RAP1GAP2: variants seen among roughly 807,000 people sequenced by gnomAD.
RAP1GAP2 encodes the protein RAP1 GTPase activating protein 2, also known as rap1 GTPase-activating protein 2.
A neutral mutation model predicts 95.0 loss-of-function variants in RAP1GAP2; 27 were observed. The observed-to-expected ratio is 0.28, with a 90% CI of 0.21 to 0.39. The LOEUF (loss-of-function observed/expected upper bound fraction) is 0.39. Among genes scored for constraint, RAP1GAP2 ranks in the 10% least tolerant of loss-of-function variants. The probability of loss-of-function intolerance (pLI) is 1.00; values close to 1 mark genes in which losing one functional copy is unlikely to be tolerated. For missense variants in RAP1GAP2, 771 were observed against 970.0 expected (o/e 0.79, Z 2.72); for synonymous variants, 373 against 380.9 (o/e 0.98, Z 0.24).
At chr17:3,022,855 G>T (rs902561634) in intron 19 of RAP1GAP2, among the ~76,000 whole-genome samples, 7 of 152,214 alleles carry the variant, frequency 4.6e-5, no homozygotes, top group African/African-American at 1.4e-4. Flanking sequence ...TCTTTTAGGA[G>T]TTTCTTTGTT....
intron 3 of RAP1GAP2, among the ~76,000 whole-genome samples, chr17:2,916,286 C>T (rs948563086): frequency 6.6e-6 from 1 of 151,950 alleles, no homozygotes; most frequent in African/African-American, 2.4e-5. Context: ...GTCAGTCCAC[C>T]GTTTGGCTCC....
chr17:2,976,989 TAGTC>T (rs1447840296), intron 8 of RAP1GAP2, among the ~76,000 whole-genome samples: 4 of 151,104 alleles, frequency 2.6e-5, no homozygotes, highest in Non-Finnish European at 5.9e-5. Flanking sequence ...ACAAAAAAAT[TAGTC>T]AGGCGAGTTG....
At chr17:2,851,406 T>G (rs2071840093) in intron 2 of RAP1GAP2, among the ~76,000 whole-genome samples, 1 of 152,180 alleles carries the variant, frequency 6.6e-6, no homozygotes, top group Non-Finnish European at 1.5e-5. Flanking sequence ...TGATGGGTTT[T>G]CTTGTGCTTT....
chr17:2,845,969 G>A (rs2071570944), intron 2 of RAP1GAP2, among the ~76,000 whole-genome samples: 2 of 152,132 alleles, frequency 1.3e-5, no homozygotes, highest in South Asian at 4.2e-4. Flanking sequence ...GAATTCCGAG[G>A]TGAGGAATTC....
intron 3 of RAP1GAP2, among the ~76,000 whole-genome samples, chr17:2,945,775 CT>C (rs57022816): frequency 0.063 from 9,521 of 150,418 alleles, 688 homozygotes; most frequent in African/African-American, 0.18. Context: ...CATTGATTTT[CT>C]TTTTTTTTCT....
At chr17:2,836,260 A>G (rs1426672177) in intron 2 of RAP1GAP2, among the ~76,000 whole-genome samples, 1 of 152,036 alleles carries the variant, frequency 6.6e-6, no homozygotes, top group Non-Finnish European at 1.5e-5. Context: ...ACCTTACTCA[A>G]ACTGGCTTAA....
intron 23 of RAP1GAP2, among the ~76,000 whole-genome samples, chr17:3,032,048 T>TC (rs1463167870): frequency 7.0e-6 from 1 of 143,392 alleles, no homozygotes; most frequent in Non-Finnish European, 1.5e-5. Flanking sequence ...AAGGGCTGGT[T>TC]CTTGGGTCCC....
chr17:2,970,927 C>A (rs890531010), intron 8 of RAP1GAP2, among the ~76,000 whole-genome samples: 1 of 151,966 alleles, frequency 6.6e-6, no homozygotes, highest in Non-Finnish European at 1.5e-5. Context: ...CCCAGCTACT[C>A]AGGAGGCTGA....
At chr17:2,995,269 C>A in intron 12 of RAP1GAP2, 68 bp from the exon 13 acceptor site, 2 of 1,530,912 alleles carry the variant, frequency 1.3e-6, no homozygotes. Flanking sequence ...CTTAGGGGAG[C>A]TTGCATTAAG....
chr17:2,976,693 A>T (rs2045134941), intron 8 of RAP1GAP2, among the ~76,000 whole-genome samples: 1 of 152,146 alleles, frequency 6.6e-6, no homozygotes, highest in Non-Finnish European at 1.5e-5. Context: ...AAAAAAGACA[A>T]GAACCGACTA....
At chr17:2,770,855 A>G (rs1347480163) in intron 2 of RAP1GAP2, among the ~76,000 whole-genome samples, 1 of 152,142 alleles carries the variant, frequency 6.6e-6, no homozygotes, top group Non-Finnish European at 1.5e-5. Flanking sequence ...AGCCTGGCCA[A>G]CATGGTGAAA....
intron 2 of RAP1GAP2, among the ~76,000 whole-genome samples, chr17:2,889,863 G>GTATATATATA (rs748546441): frequency 1.9e-3 from 151 of 79,784 alleles, no homozygotes; most frequent in Middle Eastern, 6.8e-3. Context: ...TTATGTGTGT[G>GTATATATATA]TATATATATA....
intron 3 of RAP1GAP2, among the ~76,000 whole-genome samples, chr17:2,911,879 G>A (rs2042394575): frequency 6.6e-6 from 1 of 152,308 alleles, no homozygotes; most frequent in Non-Finnish European, 1.5e-5. Flanking sequence ...CACTCTGCTG[G>A]GACTTGACCT....
chr17:2,838,173 T>G (rs1181502723), intron 2 of RAP1GAP2, among the ~76,000 whole-genome samples: 1 of 151,836 alleles, frequency 6.6e-6, no homozygotes, highest in Non-Finnish European at 1.5e-5. Flanking sequence ...CGCCCACCAC[T>G]GCATCCAGCT....
At chr17:2,832,402 C>A (rs955344285) in intron 2 of RAP1GAP2, among the ~76,000 whole-genome samples, 1 of 149,328 alleles carries the variant, frequency 6.7e-6, no homozygotes, top group African/African-American at 2.5e-5. Flanking sequence ...ACTAAAAATA[C>A]AAAAAATTAC....
At chr17:2,888,298 G>C (rs1269702169) in intron 2 of RAP1GAP2, among the ~76,000 whole-genome samples, 2 of 152,114 alleles carry the variant, frequency 1.3e-5, no homozygotes, top group Admixed American at 6.6e-5. Context: ...CTGCTCTTCT[G>C]GCTATTTGAA....
At chr17:2,791,857 C>CTTTTTTTTTTTTTTTTT (rs530185952), upstream of RAP1GAP2, among the ~76,000 whole-genome samples, 20 of 136,028 alleles carry the variant, frequency 1.5e-4, no homozygotes, top group Non-Finnish European at 2.7e-4. Flanking sequence ...CCTTTTCTCT[C>CTTTTTTTTTTTTTTTTT]TTTTTTTTTT....
intron 2 of RAP1GAP2, among the ~76,000 whole-genome samples, chr17:2,854,765 G>A (rs1444078146): frequency 1.3e-5 from 2 of 152,224 alleles, no homozygotes; most frequent in Non-Finnish European, 2.9e-5. Context: ...AGCTTTCTAG[G>A]CTGCAACCGC....
intron 2 of RAP1GAP2, among the ~76,000 whole-genome samples, chr17:2,841,924 C>G (rs919804346): frequency 6.6e-5 from 10 of 152,214 alleles, no homozygotes; most frequent in Non-Finnish European, 1.3e-4. Context: ...CAGTTTCTGG[C>G]AGGCAGGTGA....
Sources: gnomAD v4.1 joint callset for allele counts (sites outside exome capture counted in the v4.1 genomes callset) on GRCh38, gnomAD v4.1.1 for gene constraint, MANE v1.5 for transcripts, NCBI Gene and HGNC (gene_info 2026-07-23, HGNC 2026-07-21) for gene names.